Variants in GTF2IRD1 observed in about 807,000 individuals in gnomAD.
GTF2IRD1 encodes the protein GTF2I repeat domain containing 1.
A neutral mutation model predicts 113.2 loss-of-function variants in GTF2IRD1; 26 were observed. The ratio of observed to expected loss-of-function variants is 0.23; its 90% CI spans 0.17 to 0.32. The LOEUF is 0.32. GTF2IRD1 is among the 10% of genes least tolerant of loss of function. The probability of loss-of-function intolerance (pLI) is 1.00; values close to 1 mark genes in which losing one functional copy is unlikely to be tolerated. For missense variants in GTF2IRD1, 864 were observed against 1,280.8 expected, an observed-to-expected ratio of 0.67 and a Z score of 4.97; for synonymous variants, 484 against 529.1, an observed-to-expected ratio of 0.91 and a Z score of 1.17.
chr7:74,524,075 G>T lies in GTF2IRD1; in HGVS notation c.1011G>T (p.Lys337Asn). 1 of 1,610,238 alleles carries T rather than the reference G, an allele frequency of 6.2e-7. No individual in the cohort carries two copies. Among genetic ancestry groups the T allele is most frequent in the South Asian group, 1.1e-5 (1 of 90,654 alleles). ...LFSIVHDKSE[K>N]WDAFIKETED... The stretch of plus-strand genomic sequence containing the variant: ...GTGCCTCCTGTGTTTTGATAGAGAA[G>T]TGGGACGCCTTCATAAAGGAAACCG... The change falls in exon 8 of 27, where the codon AAG becomes AAT. Residue 337 changes from lysine (K) to asparagine (N), a missense_variant. Physicochemically the swap from Lys to Asn is moderately conservative, Grantham distance 94 (BLOSUM62 0). Around this residue, in one of 7 missense-constraint regions of GTF2IRD1, gnomAD observed 195 missense variants for 196.6 expected, o/e 0.99. Coordinates refer to ENST00000424337, the MANE Select transcript of GTF2IRD1 (RefSeq NM_005685.4).
chr7:74,532,416 T>C (rs1554349107), intron 9 of GTF2IRD1, among the ~76,000 whole-genome samples: 1 of 152,064 alleles, frequency 6.6e-6, no homozygotes, highest in Non-Finnish European at 1.5e-5. Flanking sequence ...TAGCCAGGCC[T>C]GGTGGTATGC....
intron 14 of GTF2IRD1, among the ~76,000 whole-genome samples, chr7:74,540,970 G>A (rs1209159862): frequency 6.6e-6 from 1 of 151,642 alleles, no homozygotes; most frequent in Non-Finnish European, 1.5e-5. Flanking sequence ...CACCATGATG[G>A]TCAGGCAGGT....
At chr7:74,499,553 A>C (rs868932833) in intron 1 of GTF2IRD1, among the ~76,000 whole-genome samples, 1 of 152,110 alleles carries the variant, frequency 6.6e-6, no homozygotes, top group African/African-American at 2.4e-5. Flanking sequence ...TGCACACACC[A>C]AGGAATGGAT....
chr7:74,602,106 G>A (rs1802798450), intron 26 of GTF2IRD1: 1 of 301,742 alleles, frequency 3.3e-6, no homozygotes, highest in Admixed American at 4.8e-5. Context: ...GCCGGGCATG[G>A]TGGCGGGCGC....
At position 74,544,746 on chromosome 7, in the gene GTF2IRD1, C is replaced by G. The variant is rs782486017; in HGVS notation, c.1619-9C>G. 6.2e-7 allele frequency: 1 copy of G among 1,613,380 alleles called. No individual in the cohort carries two copies. The highest frequency in any genetic ancestry group is 8.5e-7 in the Non-Finnish European group (1 of 1,179,636). ...ATGTGGCTTCCCGGCATCCTCTGTT[C>G]TCTTTTAGACAAAGGTCTGAGTGAG... On this transcript the variant is annotated splice_polypyrimidine_tract_variant and intron_variant, in intron 14 of 26. Coordinates refer to ENST00000424337, the MANE Select transcript of GTF2IRD1 (RefSeq NM_005685.4).
rs1554356572 is a variant in GTF2IRD1, at chr7:74,555,530, G to A, written c.2023+36G>A. The A allele has an allele frequency of 7.5e-7, 1 of 1,333,108 alleles. No individual in the cohort carries two copies. Among genetic ancestry groups the A allele is most frequent in the East Asian group, 2.3e-5 (1 of 43,476 alleles). The allele number at this position is 1,333,108 out of a possible 1,614,324, so 82.6% of individuals were successfully genotyped here. On this transcript the variant is annotated intron_variant, in intron 19 of 26. Coordinates refer to ENST00000424337, the MANE Select transcript of GTF2IRD1 (RefSeq NM_005685.4). The surrounding 1 kb of genome is among the most constrained non-coding windows in gnomAD (Gnocchi z 5.3). ...GCTCACGGGGAGGTCTGTTGTCCCA[G>A]CACCAGGACATTGACCTGGTTTGGG...
intron 16 of GTF2IRD1, 109 bp from the exon 17 acceptor site, chr7:74,546,994 C>A: frequency 9.9e-7 from 1 of 1,005,676 alleles, no homozygotes; most frequent in Non-Finnish European, 1.5e-6. Context: ...CTGGCAGGCC[C>A]TCAAAAGGGC....
At chr7:74,559,701 T>C in intron 22 of GTF2IRD1, 46 bp downstream of exon 22, 1 of 1,529,872 alleles carries the variant, frequency 6.5e-7, no homozygotes, top group Non-Finnish European at 8.9e-7. Flanking sequence ...TAGGGCCCGA[T>C]CGTGGTGCTG....
At chr7:74,515,260 C>A in intron 3 of GTF2IRD1, 181 bp from the exon 4 acceptor site, 5 of 1,273,332 alleles carry the variant, frequency 3.9e-6, no homozygotes, top group South Asian at 1.4e-5. Flanking sequence ...CCAGCCCTGG[C>A]CCTCAGTGGG....
chr7:74,549,193 A>G (rs1213346395), intron 17 of GTF2IRD1, among the ~76,000 whole-genome samples: 3 of 151,458 alleles, frequency 2.0e-5, no homozygotes, highest in Non-Finnish European at 2.9e-5. Context: ...TCTCCCTGTC[A>G]TCAGGAGACT....
rs782212936 is a variant in GTF2IRD1, at chr7:74,518,227, C to T, written c.510C>T (p.Pro170=). ...GGCTGCTGGCCGTGCAGGGGCTGCC[C>T]GAAGGCCTGGCCTTCCGAAGGCCAG... ...EPGLLAVQGL[P]EGLAFRRPAE... Residue 170 remains proline (P), a synonymous_variant, in exon 5 of 27, where the codon CCC becomes CCT. Transcript: ENST00000424337. The T allele has an allele frequency of 6.2e-6, 10 of 1,611,546 alleles. No individual in the cohort carries two copies. The highest frequency in any genetic ancestry group is 5.0e-5 in the Admixed American group (3 of 59,940).
At chr7:74,468,358 A>T (rs1250604683) in intron 1 of GTF2IRD1, among the ~76,000 whole-genome samples, 56 of 142,616 alleles carry the variant, frequency 3.9e-4, no homozygotes, top group East Asian at 3.5e-3. Flanking sequence ...AAAATAATTT[A>T]AAAAAAAAAA....
intron 25 of GTF2IRD1, 101 bp from the exon 26 acceptor site, chr7:74,600,943 G>A: frequency 3.1e-6 from 4 of 1,275,450 alleles, no homozygotes; most frequent in South Asian, 2.6e-5. Flanking sequence ...CTGAAAGGGG[G>A]ACTCGAAACC....
chr7:74,508,283 T>C (rs2074660), intron 2 of GTF2IRD1, 80 bp downstream of exon 2: 178,115 of 1,479,220 alleles, frequency 0.12, 15,957 homozygotes, highest in East Asian at 0.48. Flanking sequence ...CTACCTCAGC[T>C]ACTCGAAGGA....
intron 25 of GTF2IRD1, among the ~76,000 whole-genome samples, chr7:74,599,404 C>T (rs1394013988): frequency 6.6e-6 from 1 of 152,188 alleles, no homozygotes; most frequent in Admixed American, 6.6e-5. Flanking sequence ...AGAACACCTG[C>T]TGACCCCTCC....
rs1479897386 is a variant in GTF2IRD1, at chr7:74,547,871, G to A, written c.1916+585G>A. 4.1e-4 allele frequency among the ~76,000 whole-genome samples: 61 copies of A among 148,994 alleles called. 2 individuals are homozygous for A. Among genetic ancestry groups the A allele is most frequent in the Admixed American group, 2.7e-4 (4 of 14,602 alleles). ...CAAAGCCACCGAACTGACCCCTCTCGCAGTCTCAGGAGAGCAGTGTTCAGT... is the reference window on the plus strand; with the variant it reads ...CAAAGCCACCGAACTGACCCCTCTCACAGTCTCAGGAGAGCAGTGTTCAGT... On this transcript the variant is annotated intron_variant, in intron 17 of 26. Coordinates refer to ENST00000424337, the MANE Select transcript of GTF2IRD1 (RefSeq NM_005685.4).
At chr7:74,523,496 G>T (rs1797410159) in intron 7 of GTF2IRD1, among the ~76,000 whole-genome samples, 1 of 152,200 alleles carries the variant, frequency 6.6e-6, no homozygotes, top group African/African-American at 2.4e-5. Context: ...AAGGCGGGTG[G>T]ATCACCTGAG....
chr7:74,597,866 C>A (rs1166733791), intron 25 of GTF2IRD1, among the ~76,000 whole-genome samples: 1 of 152,120 alleles, frequency 6.6e-6, no homozygotes, highest in Non-Finnish European at 1.5e-5. Flanking sequence ...GGCTGCTCAA[C>A]AGGGACAGTG....
At chr7:74,558,835 G>T in intron 20 of GTF2IRD1, 26 bp from the exon 21 acceptor site, 4 of 1,597,996 alleles carry the variant, frequency 2.5e-6, no homozygotes, top group Non-Finnish European at 3.4e-6. Flanking sequence ...ACTCCTGACG[G>T]GCAGGACCCT....
Sources: gnomAD v4.1 joint callset for allele counts (sites outside exome capture counted in the v4.1 genomes callset) on GRCh38, gnomAD v4.1.1 for gene constraint, gnomAD v4.1.1 regional missense constraint, Gnocchi (gnomAD v3.1) non-coding constraint, MANE v1.5 for transcripts, NCBI Gene and HGNC (gene_info 2026-07-23, HGNC 2026-07-21) for gene names.